The following PTPRT variants were observed in gnomAD, a reference collection of about 807,000 sequenced individuals.
PTPRT encodes the protein protein tyrosine phosphatase receptor type T.
PTPRT carries 56 observed loss-of-function variants against 176.8 expected under a neutral mutation model. The observed-to-expected ratio is 0.32, with a 90% CI of 0.26 to 0.40. The LOEUF is 0.40. Among genes scored for constraint, PTPRT ranks in the 10% least tolerant of loss-of-function variants. The probability of loss-of-function intolerance (pLI) is 1.00; values close to 1 mark genes in which losing one functional copy is unlikely to be tolerated. For synonymous variants in PTPRT, 783 were observed against 739.0 expected (o/e 1.06, Z -0.96); for missense variants, 1,540 against 1,908.2 (o/e 0.81, Z 3.60).
At chr20:42,195,916 T>C (rs976619053) in intron 16 of PTPRT, among the ~76,000 whole-genome samples, 2 of 152,204 alleles carry the variant, frequency 1.3e-5, no homozygotes, top group Non-Finnish European at 2.9e-5. Context: ...TCTTCCTTTA[T>C]GGCAAGTTAA....
At chr20:43,053,861 A>G (rs1373347077) in intron 1 of PTPRT, among the ~76,000 whole-genome samples, 2 of 152,256 alleles carry the variant, frequency 1.3e-5, no homozygotes, top group Admixed American at 6.5e-5. Context: ...AAGGAACAGA[A>G]GAAATGGAGG....
intron 16 of PTPRT, among the ~76,000 whole-genome samples, chr20:42,192,899 C>T (rs1343051980): frequency 2.6e-5 from 4 of 152,116 alleles, no homozygotes; most frequent in East Asian, 1.9e-4. Context: ...CCTGTCTGTG[C>T]GTACATCCAC....
intron 7 of PTPRT, among the ~76,000 whole-genome samples, chr20:42,545,298 C>A (rs1384924993): frequency 6.6e-6 from 1 of 152,160 alleles, no homozygotes; most frequent in Admixed American, 6.5e-5. Context: ...AGTTACCTGG[C>A]AAACAGGAGT....
chr20:42,738,972 G>A (rs2146287183), intron 6 of PTPRT, among the ~76,000 whole-genome samples: 1 of 152,258 alleles, frequency 6.6e-6, no homozygotes, highest in South Asian at 2.1e-4. Context: ...AAGAGGCTGA[G>A]GTGGGAGGAT....
At chr20:42,888,557 G>A (rs1325300105) in intron 1 of PTPRT, among the ~76,000 whole-genome samples, 1 of 152,160 alleles carries the variant, frequency 6.6e-6, no homozygotes, top group Non-Finnish European at 1.5e-5. Context: ...GAAAGTGTTG[G>A]AGCCAATATT....
At chr20:42,453,717 C>T (rs558181300) in intron 8 of PTPRT, among the ~76,000 whole-genome samples, 51 of 147,380 alleles carry the variant, frequency 3.5e-4, no homozygotes, top group African/African-American at 1.3e-3. Context: ...GTCACCCAGA[C>T]TGGAGGGCAA....
At chr20:42,353,702 G>A (rs6102795) in intron 9 of PTPRT, among the ~76,000 whole-genome samples, 45,293 of 152,068 alleles carry the variant, frequency 0.3, 7,550 homozygotes, top group East Asian at 0.8. Context: ...ACACAGTTGT[G>A]AAGTGGCAAA....
intron 19 of PTPRT, among the ~76,000 whole-genome samples, chr20:42,121,019 C>T (rs1987559376): frequency 1.3e-5 from 2 of 152,256 alleles, no homozygotes; most frequent in South Asian, 4.1e-4. Context: ...GCTGACCAGT[C>T]TTTTTGCCCT....
At chr20:42,305,866 ACTT>A (rs2057539735) in intron 12 of PTPRT, among the ~76,000 whole-genome samples, 1 of 152,188 alleles carries the variant, frequency 6.6e-6, no homozygotes, top group African/African-American at 2.4e-5. Flanking sequence ...AAGTTTCTCT[ACTT>A]TTTCACCATC....
intron 7 of PTPRT, among the ~76,000 whole-genome samples, chr20:42,593,364 T>G (rs938965834): frequency 6.6e-6 from 1 of 152,162 alleles, no homozygotes; most frequent in African/African-American, 2.4e-5. Flanking sequence ...CTATTTCACC[T>G]CCCTGAAGAA....
chr20:42,286,715 T>C (rs2057235885), intron 12 of PTPRT, among the ~76,000 whole-genome samples: 1 of 151,578 alleles, frequency 6.6e-6, no homozygotes, highest in Non-Finnish European at 1.5e-5. Flanking sequence ...ACCTTAAACA[T>C]ATAGGCAAAG....
chr20:42,440,548 G>A (rs2059304495), intron 9 of PTPRT, among the ~76,000 whole-genome samples: 1 of 150,990 alleles, frequency 6.6e-6, no homozygotes, highest in Admixed American at 6.6e-5. Flanking sequence ...CACAATCTTG[G>A]CTCACTGCAA....
At chr20:42,247,326 T>A (rs965629587) in intron 14 of PTPRT, among the ~76,000 whole-genome samples, 1 of 152,218 alleles carries the variant, frequency 6.6e-6, no homozygotes, top group Non-Finnish European at 1.5e-5. Flanking sequence ...GGGGCTTGCA[T>A]AGCCAAGAGA....
At chr20:42,898,273 T>C (rs572130177) in intron 1 of PTPRT, among the ~76,000 whole-genome samples, 3 of 152,264 alleles carry the variant, frequency 2.0e-5, no homozygotes, top group East Asian at 1.9e-4. Context: ...CAGTGTCATA[T>C]CATAGCTCAC....
At chr20:42,142,074 G>A (rs1310891461) in intron 17 of PTPRT, 72 bp from the exon 18 acceptor site, 1 of 1,329,848 alleles carries the variant, frequency 7.5e-7, no homozygotes, top group South Asian at 1.2e-5. Context: ...TGAACCAACA[G>A]GGCAAAGTAA....
chr20:43,025,172 C>A (rs1267307788), intron 1 of PTPRT, among the ~76,000 whole-genome samples: 1 of 152,100 alleles, frequency 6.6e-6, no homozygotes, highest in Non-Finnish European at 1.5e-5. Flanking sequence ...GCTCACCATG[C>A]CTGATACTAA....
intron 1 of PTPRT, among the ~76,000 whole-genome samples, chr20:42,960,923 T>TTA (rs1981950869): frequency 6.6e-6 from 1 of 152,214 alleles, no homozygotes; most frequent in East Asian, 1.9e-4. Flanking sequence ...CCTAGGAAGA[T>TTA]ATTTTGTAAA....
intron 4 of PTPRT, among the ~76,000 whole-genome samples, chr20:42,778,546 T>G (rs896368921): frequency 6.6e-6 from 1 of 152,074 alleles, no homozygotes; most frequent in South Asian, 2.1e-4. Flanking sequence ...GTGGATGGGA[T>G]GTAGGCAGGG....
At chr20:42,784,773 T>C (rs1305964951) in intron 3 of PTPRT, among the ~76,000 whole-genome samples, 1 of 152,134 alleles carries the variant, frequency 6.6e-6, no homozygotes, top group African/African-American at 2.4e-5. Context: ...AGGCAGGTGA[T>C]GGAGACTAGG....
Sources: allele counts gnomAD v4.1 joint callset (sites outside exome capture counted in the v4.1 genomes callset), GRCh38; gene constraint gnomAD v4.1.1; transcripts MANE v1.5; gene names NCBI Gene and HGNC (gene_info 2026-07-23, HGNC 2026-07-21).